Variants in GART observed in about 807,000 individuals in gnomAD.
GART encodes phosphoribosylglycinamide formyltransferase, phosphoribosylglycinamide synthetase, phosphoribosylaminoimidazole synthetase.
GART carries 43 observed loss-of-function variants against 107.2 expected under a neutral mutation model. The observed-to-expected ratio is 0.40, with a 90% confidence interval of 0.31 to 0.52. GART has a LOEUF of 0.52. Ranked by LOEUF, GART falls within the 20% of genes least tolerant of loss-of-function variation. The pLI, the probability that GART is intolerant of heterozygous loss-of-function variation, is 0.52. For missense variants in GART, 1,107 were observed against 1,206.5 expected (o/e 0.92, Z 1.22); for synonymous variants, 434 against 427.0 (o/e 1.02, Z -0.20).
intron 1 of GART, 61 bp downstream of exon 1, chr21:33,542,004 C>A (rs1314780941): frequency 6.6e-6 from 1 of 152,260 alleles, no homozygotes; most frequent in Admixed American, 6.5e-5. Context: ...AGTTCGCGAT[C>A]TTAAATCCCC....
chr21:33,539,046 C>T (rs1569038668), intron 2 of GART, 125 bp downstream of exon 2: 1 of 830,872 alleles, frequency 1.2e-6, no homozygotes, highest in Non-Finnish European at 1.8e-6. Context: ...TCCCAAAGTG[C>T]TGGGATTACA....
intron 10 of GART, among the ~76,000 whole-genome samples, chr21:33,525,804 G>A (rs896294388): frequency 2.0e-5 from 3 of 151,702 alleles, no homozygotes; most frequent in African/African-American, 7.3e-5. Context: ...ATTGTTTAAT[G>A]AGGAAAGAAA....
chr21:33,528,447 C>T (rs1157503599), intron 9 of GART, 72 bp downstream of exon 9: 2 of 1,539,356 alleles, frequency 1.3e-6, no homozygotes, highest in South Asian at 1.2e-5. Flanking sequence ...GTAATTACTT[C>T]CAGGCTGATA....
intron 12 of GART, 64 bp from the exon 13 acceptor site, chr21:33,521,079 G>T: frequency 7.5e-7 from 1 of 1,339,158 alleles, no homozygotes; most frequent in Non-Finnish European, 1.1e-6. Context: ...TTATTTAAAT[G>T]TCTACTAGTT....
intron 12 of GART, among the ~76,000 whole-genome samples, chr21:33,521,861 A>C (rs2084978865): frequency 6.7e-6 from 1 of 149,890 alleles, no homozygotes; most frequent in Admixed American, 6.7e-5. Context: ...TGGGAGACTG[A>C]GGCAGGAGAA....
chr21:33,532,539 T>C, intron 4 of GART, 83 bp from the exon 5 acceptor site: 1 of 1,005,382 alleles, frequency 9.9e-7, no homozygotes, highest in Admixed American at 1.8e-5. Context: ...TGTAACGATA[T>C]GCTATAGCAA....
Position 33,506,083 on chromosome 21 carries a change from A to AT in GART, c.2473dup (p.Ile825AsnfsTer9). ...GCTATTTGGTTCCCGAGTACTGTCT[A>AT]TAAGTGCTTGCAGGTTCGATCCTGA... On this transcript the variant is annotated frameshift_variant, in exon 19 of 22. Coordinates refer to ENST00000381815, the MANE Select transcript of GART (RefSeq NM_000819.5). LOFTEE classifies it high-confidence loss of function. 4 of 1,614,014 alleles carry AT rather than the reference A, an allele frequency of 2.5e-6. No homozygotes were observed. Among genetic ancestry groups the AT allele is most frequent in the Non-Finnish European group, 3.4e-6 (4 of 1,179,966 alleles).
chr21:33,540,401 C>G (rs887321589), intron 1 of GART, among the ~76,000 whole-genome samples: 7 of 152,178 alleles, frequency 4.6e-5, no homozygotes, highest in African/African-American at 1.2e-4. Flanking sequence ...ATTTCCTGTT[C>G]TTTTTCTCAA....
chr21:33,526,520 C>CT (rs1459736029), intron 10 of GART, among the ~76,000 whole-genome samples: 3 of 151,674 alleles, frequency 2.0e-5, no homozygotes, highest in Non-Finnish European at 2.9e-5. Flanking sequence ...AAAGCTGCTT[C>CT]TTTTTTTCTT....
At chr21:33,537,068 A>G (rs2085320166) in intron 2 of GART, among the ~76,000 whole-genome samples, 1 of 152,194 alleles carries the variant, frequency 6.6e-6, no homozygotes, top group South Asian at 2.1e-4. Flanking sequence ...GTGGTTCTGA[A>G]CACAACTAGG....
At chr21:33,542,161 C>G (rs953994418), upstream of GART, 1 of 152,392 alleles carries the variant, frequency 6.6e-6, no homozygotes, top group South Asian at 2.1e-4. Flanking sequence ...CCCTCACTGC[C>G]CCGCCCTACG....
intron 16 of GART, among the ~76,000 whole-genome samples, chr21:33,512,322 T>A (rs2084800018): frequency 6.8e-6 from 1 of 147,330 alleles, no homozygotes; most frequent in Non-Finnish European, 1.5e-5. Flanking sequence ...GAATACATTC[T>A]CTCTTATCAC....
At position 33,520,475 on chromosome 21, in the gene GART, G is replaced by A. The variant is rs1028845102; in HGVS notation, c.1591C>T (p.Pro531Ser). The A allele has an allele frequency of 1.2e-6, 2 of 1,613,916 alleles. No individual in the cohort carries two copies. Among genetic ancestry groups the A allele is most frequent in the African/African-American group, 1.3e-5 (1 of 74,920 alleles). Residue 531 changes from proline to serine, a missense_variant, in exon 14 of 22, where the codon CCC becomes TCC. Physicochemically the swap from Pro to Ser is moderately conservative, Grantham distance 74. Transcript: ENST00000381815. ...GAAAAGTAATCAAGGAAGAAGAGGG[G>A]CTCTGCTCCTTGTGCCAGAATATCA... is the stretch of plus-strand genomic sequence containing the variant. ...VNDILAQGAE[P>S]LFFLDYFSCG...
chr21:33,539,226 C>G lies in GART; in HGVS notation c.90G>C (p.Val30=), dbSNP rs202081734. The G allele has an allele frequency of 5.5e-5, 88 of 1,614,070 alleles. No homozygotes were observed. The highest frequency in any genetic ancestry group is 7.6e-6 in the Non-Finnish European group (9 of 1,180,030). The change falls in exon 2 of 22, where the codon GTG becomes GTC. Residue 30 remains valine, a synonymous_variant. Coordinates refer to ENST00000381815, the MANE Select transcript of GART (RefSeq NM_000819.5). The part of the protein sequence containing the change: ...KLAQSHHVKQ[V]LVAPGNAGTA... ...TGCCTGCGTTTCCTGGGGCAACCAA[C>G]ACTTGTTTGACATGATGAGACTGTG...
intron 2 of GART, among the ~76,000 whole-genome samples, chr21:33,537,970 C>T (rs544953753): frequency 2.6e-5 from 4 of 152,062 alleles, no homozygotes; most frequent in South Asian, 4.1e-4. Flanking sequence ...AGGCTGGGCA[C>T]GGTGGCTCAT....
intron 11 of GART, chr21:33,524,320 CAGG>C: frequency 5.3e-6 from 5 of 938,506 alleles, no homozygotes; most frequent in Non-Finnish European, 6.4e-6. Context: ...GAGGCCAAAG[CAGG>C]AGGATCACTT....
chr21:33,524,446 G>A, intron 11 of GART: 10 of 606,360 alleles, frequency 1.6e-5, no homozygotes, highest in Non-Finnish European at 2.1e-5. Flanking sequence ...AGCTATTTGG[G>A]AGGCTGAGGC....
intron 18 of GART, among the ~76,000 whole-genome samples, chr21:33,506,852 A>G (rs1371530704): frequency 6.6e-6 from 1 of 152,214 alleles, no homozygotes; most frequent in Non-Finnish European, 1.5e-5. Context: ...AATGCAAATC[A>G]AAACTATGAC....
At chr21:33,516,349 C>T (rs2084879445) in intron 16 of GART, among the ~76,000 whole-genome samples, 1 of 151,714 alleles carries the variant, frequency 6.6e-6, no homozygotes. Flanking sequence ...TCTTTTCAGT[C>T]ACTCTACTTT....
Sources: gnomAD v4.1 joint callset for allele counts (sites outside exome capture counted in the v4.1 genomes callset) on GRCh38, gnomAD v4.1.1 for gene constraint, MANE v1.5 for transcripts, NCBI Gene and HGNC (gene_info 2026-07-23, HGNC 2026-07-21) for gene names.